Variants in CAPN13 observed in about 807,000 individuals in gnomAD.
The protein encoded by CAPN13 is calpain-13.
A neutral mutation model predicts 98.4 loss-of-function variants in CAPN13; 90 were observed. The observed-to-expected ratio is 0.92, with a 90% CI of 0.77 to 1.09. The LOEUF is 1.09. CAPN13 is among the 50% of genes least tolerant of loss of function. The probability of loss-of-function intolerance (pLI) is 0.00; values close to 1 mark genes in which losing one functional copy is unlikely to be tolerated. For missense variants in CAPN13, 887 were observed against 841.3 expected, an observed-to-expected ratio of 1.05 and a Z score of -0.67; for synonymous variants, 330 against 305.5, an observed-to-expected ratio of 1.08 and a Z score of -0.84.
chr2:30,806,667 C>T (rs368128530), intron 1 of CAPN13, among the ~76,000 whole-genome samples: 107 of 152,326 alleles, frequency 7.0e-4, no homozygotes, highest in African/African-American at 2.4e-3. Context: ...TCCCTGAGAA[C>T]AGCATCACAT....
At chr2:30,786,134 T>A (rs1198758731) in intron 2 of CAPN13, among the ~76,000 whole-genome samples, 1 of 152,198 alleles carries the variant, frequency 6.6e-6, no homozygotes, top group Non-Finnish European at 1.5e-5. Context: ...GAGGACCTCA[T>A]AGCCTCTTAG....
At chr2:30,735,903 G>C (rs1671339253) in intron 18 of CAPN13, among the ~76,000 whole-genome samples, 1 of 152,188 alleles carries the variant, frequency 6.6e-6, no homozygotes, top group African/African-American at 2.4e-5. Flanking sequence ...CAGTCTCAGG[G>C]TGCAGGGAGG....
chr2:30,769,311 T>C (rs1673268839), intron 5 of CAPN13, among the ~76,000 whole-genome samples: 1 of 151,904 alleles, frequency 6.6e-6, no homozygotes, highest in African/African-American at 2.4e-5. Flanking sequence ...GAAGGCTGCC[T>C]GGGTGCACAC....
At chr2:30,748,330 A>C (rs899882318) in intron 11 of CAPN13, among the ~76,000 whole-genome samples, 6 of 152,128 alleles carry the variant, frequency 3.9e-5, no homozygotes, top group Non-Finnish European at 8.8e-5. Flanking sequence ...AGTCAGCAGG[A>C]ATTCTCGTCT....
At chr2:30,797,917 C>T (rs577669273) in intron 1 of CAPN13, among the ~76,000 whole-genome samples, 4 of 152,368 alleles carry the variant, frequency 2.6e-5, no homozygotes, top group Admixed American at 6.5e-5. Context: ...TTTTCCTCCT[C>T]TGCTTACCCT....
intron 21 of CAPN13, 96 bp downstream of exon 21, chr2:30,731,248 C>G (rs566969454): frequency 9.8e-6 from 11 of 1,126,522 alleles, no homozygotes; most frequent in Non-Finnish European, 9.9e-6. Flanking sequence ...TTTGACAGAC[C>G]GTTCAATATC....
chr2:30,727,882 C>T (rs1009935446), intron 22 of CAPN13, among the ~76,000 whole-genome samples: 1 of 151,936 alleles, frequency 6.6e-6, no homozygotes, highest in African/African-American at 2.4e-5. Flanking sequence ...TTATTAATGA[C>T]AGTCAAAACT....
intron 1 of CAPN13, among the ~76,000 whole-genome samples, chr2:30,801,491 G>C (rs997401084): frequency 6.6e-6 from 1 of 151,460 alleles, no homozygotes; most frequent in Non-Finnish European, 1.5e-5. Flanking sequence ...TGTAATCCCA[G>C]CTACTCAGGA....
chr2:30,732,953 A>G (rs551094726), intron 19 of CAPN13, among the ~76,000 whole-genome samples: 209 of 152,244 alleles, frequency 1.4e-3, no homozygotes, highest in Admixed American at 4.9e-3. Flanking sequence ...TGGATTGTTT[A>G]TGGATGCTGC....
chr2:30,798,532 T>C (rs1251655364), intron 1 of CAPN13, among the ~76,000 whole-genome samples: 1 of 152,250 alleles, frequency 6.6e-6, no homozygotes, highest in Non-Finnish European at 1.5e-5. Flanking sequence ...GTCCGCAGGA[T>C]GCTCCTAGCA....
At position 30,734,145 on chromosome 2, in the gene CAPN13, G is replaced by A. The variant is rs111432463; in HGVS notation, c.1798+304C>T. 4.5e-3 allele frequency among the ~76,000 whole-genome samples: 684 copies of A among 152,282 alleles called. 4 individuals carry two copies. Among genetic ancestry groups the A allele is most frequent in the African/African-American group, 0.014 (599 of 41,544 alleles). ...TGAGCTGGAAGCGCGTCTCCAAGGC[G>A]AGCTCGATTCCTGATAGGGTATCAA... On this transcript the variant is annotated intron_variant, in intron 19 of 22. Coordinates refer to ENST00000295055, the MANE Select transcript of CAPN13 (RefSeq NM_144575.3).
chr2:30,764,233 T>C lies in CAPN13; in HGVS notation c.598A>G (p.Ile200Val), dbSNP rs1672996669. 1 of 1,613,210 alleles carries C rather than the reference T, an allele frequency of 6.2e-7. No homozygotes were observed. The highest frequency in any genetic ancestry group is 8.5e-7 in the Non-Finnish European group (1 of 1,179,718). Reference protein sequence around the residue: ...DALVDLTGGVITNIHLHSSPV... With the variant: ...DALVDLTGGVVTNIHLHSSPV... The stretch of plus-strand genomic sequence containing the variant: ...GAAGAGTGCAGATGGATGTTGGTGA[T>C]CACGCCTCCTGTGAGGTCCACCAGG... The change falls in exon 6 of 23, where the codon ATC (isoleucine) becomes GTC (valine). Residue 200 changes from isoleucine to valine, a missense_variant. Physicochemically the swap from Ile to Val is conservative, Grantham distance 29. Transcript: ENST00000295055.
At chr2:30,741,116 G>C (rs1671629737) in intron 15 of CAPN13, among the ~76,000 whole-genome samples, 1 of 152,288 alleles carries the variant, frequency 6.6e-6, no homozygotes, top group Admixed American at 6.5e-5. Flanking sequence ...CCTGGATCCT[G>C]GGCTGGTACT....
intron 10 of CAPN13, among the ~76,000 whole-genome samples, chr2:30,751,750 T>C (rs185325319): frequency 6.6e-6 from 1 of 152,276 alleles, no homozygotes. Context: ...AGAATGAAGA[T>C]AAGTCAAGAT....
chr2:30,767,136 C>T (rs911366431), intron 5 of CAPN13, among the ~76,000 whole-genome samples: 7 of 152,206 alleles, frequency 4.6e-5, no homozygotes, highest in Non-Finnish European at 8.8e-5. Flanking sequence ...TCCTCATCTG[C>T]ATGTGATCTT....
chr2:30,751,218 G>C lies in CAPN13; in HGVS notation c.1121C>G (p.Ser374Cys), dbSNP rs1338669021. The C allele has an allele frequency of 2.5e-6, 4 of 1,613,878 alleles. No homozygotes were observed. Among genetic ancestry groups the C allele is most frequent in the African/African-American group, 1.3e-5 (1 of 74,920 alleles). Residue 374 changes from serine (S) to cysteine (C), a missense_variant, in exon 11 of 23, where the codon TCT becomes TGT. Coordinates refer to ENST00000295055, the MANE Select transcript of CAPN13 (RefSeq NM_144575.3). ...GGTGCCTTCCATTGGCTCTTGCACA[G>C]AGAAGTTGAATTGAGCATCATTCCG... ...GPRNDAQFNFSVQEPMEGTNV... is the reference protein window; with the variant it reads ...GPRNDAQFNFCVQEPMEGTNV...
intron 2 of CAPN13, among the ~76,000 whole-genome samples, chr2:30,778,029 T>C (rs1295370853): frequency 6.6e-6 from 1 of 152,250 alleles, no homozygotes; most frequent in Non-Finnish European, 1.5e-5. Context: ...TAAAGTACTA[T>C]AACTTTCATA....
chr2:30,760,482 C>T (rs746525727), intron 7 of CAPN13, among the ~76,000 whole-genome samples: 20 of 152,174 alleles, frequency 1.3e-4, no homozygotes, highest in Non-Finnish European at 2.8e-4. Context: ...GGGCTGAAAG[C>T]AGGGCTAAAC....
intron 12 of CAPN13, among the ~76,000 whole-genome samples, chr2:30,743,944 C>G (rs923907954): frequency 6.6e-6 from 1 of 152,220 alleles, no homozygotes; most frequent in African/African-American, 2.4e-5. Flanking sequence ...AGCCCCTTCT[C>G]TCCTGAATGT....
Sources: gnomAD v4.1 joint callset for allele counts (sites outside exome capture counted in the v4.1 genomes callset) on GRCh38, gnomAD v4.1.1 for gene constraint, MANE v1.5 for transcripts, NCBI Gene and HGNC (gene_info 2026-07-23, HGNC 2026-07-21) for gene names.